The following ATP9A variants were observed in gnomAD, a reference collection of about 807,000 sequenced individuals.
ATP9A encodes ATPase phospholipid transporting 9A, also known as probable phospholipid-transporting ATPase IIA.
ATP9A carries 52 observed loss-of-function variants against 144.1 expected under a neutral mutation model. That is an observed-to-expected ratio of 0.36 (90% CI 0.29 to 0.45). The LOEUF (loss-of-function observed/expected upper bound fraction) is 0.45, where lower values mean the gene tolerates loss of function less well. Among genes scored for constraint, ATP9A ranks in the 20% least tolerant of loss-of-function variants. ATP9A has a pLI of 1.00. For missense variants in ATP9A, 947 were observed against 1,392.7 expected (o/e 0.68, Z 5.09); for synonymous variants, 582 against 557.4 (o/e 1.04, Z -0.62).
intron 3 of ATP9A, among the ~76,000 whole-genome samples, chr20:51,721,451 C>T (rs62226694): frequency 0.057 from 8,636 of 152,090 alleles, 517 homozygotes; most frequent in African/African-American, 0.15. Context: ...GAGATCCTGT[C>T]TCTACACAAA....
chr20:51,665,798 A>G (rs2077430531), intron 13 of ATP9A, among the ~76,000 whole-genome samples: 1 of 151,922 alleles, frequency 6.6e-6, no homozygotes. Flanking sequence ...AGCTGGTTAT[A>G]GTTTTCTCTC....
chr20:51,611,534 TCTAA>T lies in ATP9A; in HGVS notation c.2572-1373_2572-1370del, dbSNP rs151057128. ...TGACAGACTCATGTCCCGGTGCAAT[TCTAA>T]CTGGGACTTGCTCTCGGCCATTTTC... On this transcript the variant is annotated intron_variant, in intron 23 of 27. Coordinates refer to ENST00000338821, the MANE Select transcript of ATP9A (RefSeq NM_006045.3). This position sits in a 1 kb window ranked among gnomAD's most constrained non-coding sequence, Gnocchi z 4.2. Among the ~76,000 whole-genome samples the T allele has an allele frequency of 7.9e-3, 1,202 of 152,326 alleles. 15 individuals carry two copies. The highest frequency in any genetic ancestry group is 0.028 in the African/African-American group (1,144 of 41,570).
chr20:51,690,929 G>T, intron 7 of ATP9A, 110 bp from the exon 8 acceptor site: 2 of 863,352 alleles, frequency 2.3e-6, no homozygotes, highest in East Asian at 2.4e-5. Flanking sequence ...ACAGCAAATG[G>T]CCCCTCAAAA....
intron 11 of ATP9A, 32 bp downstream of exon 11, chr20:51,674,121 G>A (rs760116356): frequency 2.3e-5 from 37 of 1,604,540 alleles, no homozygotes; most frequent in Middle Eastern, 3.3e-4. Flanking sequence ...AAGATGTCAC[G>A]GCAGCCAAAC....
At chr20:51,689,973 G>A (rs545275579) in intron 8 of ATP9A, among the ~76,000 whole-genome samples, 59 of 151,052 alleles carry the variant, frequency 3.9e-4, no homozygotes, top group Non-Finnish European at 6.3e-4. Flanking sequence ...TTAGCCAGGC[G>A]TGGTGATGCA....
intron 3 of ATP9A, among the ~76,000 whole-genome samples, chr20:51,723,324 T>A (rs1216112802): frequency 6.6e-6 from 1 of 151,712 alleles, no homozygotes; most frequent in African/African-American, 2.4e-5. Flanking sequence ...GTGATGAGTG[T>A]GCCAAAATCT....
intron 1 of ATP9A, among the ~76,000 whole-genome samples, chr20:51,741,720 C>T (rs1169101110): frequency 6.6e-6 from 1 of 152,234 alleles, no homozygotes; most frequent in Non-Finnish European, 1.5e-5. Flanking sequence ...TCTACCTACA[C>T]AATTTTGTCT....
At chr20:51,678,158 C>A (rs1281253213) in intron 9 of ATP9A, among the ~76,000 whole-genome samples, 1 of 151,460 alleles carries the variant, frequency 6.6e-6, no homozygotes, top group Non-Finnish European at 1.5e-5. Flanking sequence ...CAGTGGGGGG[C>A]AGGCAGTTTG....
intron 1 of ATP9A, among the ~76,000 whole-genome samples, chr20:51,764,798 C>G (rs1048485836): frequency 6.6e-6 from 1 of 151,924 alleles, no homozygotes; most frequent in African/African-American, 2.4e-5. Flanking sequence ...CCTGACTCAC[C>G]GCAACCTCCA....
At chr20:51,767,440 G>A (rs1340885610) in intron 1 of ATP9A, among the ~76,000 whole-genome samples, 3 of 149,894 alleles carry the variant, frequency 2.0e-5, no homozygotes, top group Non-Finnish European at 4.4e-5. Flanking sequence ...TAAGTCTATG[G>A]CAGGCGATAC....
chr20:51,667,629 C>T (rs1253971754), intron 13 of ATP9A, among the ~76,000 whole-genome samples: 1 of 152,156 alleles, frequency 6.6e-6, no homozygotes, highest in Non-Finnish European at 1.5e-5. Flanking sequence ...CACCACAGAG[C>T]TGATGGTACC....
intron 15 of ATP9A, 80 bp from the exon 16 acceptor site, chr20:51,629,152 C>T (rs2077261224): frequency 1.7e-6 from 2 of 1,201,944 alleles, no homozygotes; most frequent in South Asian, 1.3e-5. Context: ...CCATGACAGA[C>T]AGTGTACAAA....
intron 1 of ATP9A, among the ~76,000 whole-genome samples, chr20:51,735,783 C>A (rs139772711): frequency 1.3e-5 from 2 of 152,366 alleles, no homozygotes; most frequent in Non-Finnish European, 2.9e-5. Flanking sequence ...TCAATAGATA[C>A]TGAACACTTA....
At chr20:51,616,635 A>G (rs1019228300) in intron 22 of ATP9A, among the ~76,000 whole-genome samples, 1 of 152,040 alleles carries the variant, frequency 6.6e-6, no homozygotes, top group Non-Finnish European at 1.5e-5. Context: ...ACACAGTCCT[A>G]ACAAACTCGG....
chr20:51,705,734 C>T (rs1447631981), intron 4 of ATP9A, among the ~76,000 whole-genome samples: 1 of 152,122 alleles, frequency 6.6e-6, no homozygotes, highest in African/African-American at 2.4e-5. Flanking sequence ...ATCGAGGCAA[C>T]CCCCCACCCC....
chr20:51,723,684 G>A (rs1473962142), intron 3 of ATP9A, among the ~76,000 whole-genome samples: 1 of 150,018 alleles, frequency 6.7e-6, no homozygotes, highest in Admixed American at 6.7e-5. Context: ...AGTCTCCTGA[G>A]TAGCTGGGAC....
chr20:51,704,384 GT>G (rs5841859), intron 4 of ATP9A, among the ~76,000 whole-genome samples: 45,705 of 148,190 alleles, frequency 0.31, 7,339 homozygotes, highest in African/African-American at 0.37. Context: ...GTGTTTTGTT[GT>G]TTTTTTTTTT....
chr20:51,768,312 G>C lies in ATP9A; in HGVS notation c.58C>G (p.Pro20Ala). The change falls in exon 1 of 28, where the codon CCC becomes GCC. Residue 20 changes from proline to alanine, a missense_variant. By Grantham distance (27) the Pro-to-Ala change is conservative. Transcript: ENST00000338821. ...CCCAGGCCCACTCACCCGGCGCGGG[G>C]CCTGCTGTCCATCCGCTTCTTCTGG... The part of the protein sequence containing the change: ...VRQKKRMDSR[P>A]RAGCCEWLRC... The C allele has an allele frequency of 7.6e-7, 1 of 1,309,344 alleles. No homozygotes were observed. Among genetic ancestry groups the C allele is most frequent in the African/African-American group, 1.5e-5 (1 of 65,454 alleles). 81.1% of individuals were successfully genotyped at this position (1,309,344 alleles called of 1,614,324 possible).
chr20:51,669,920 G>A, intron 13 of ATP9A, 77 bp downstream of exon 13: 1 of 995,240 alleles, frequency 1.0e-6, no homozygotes, highest in South Asian at 1.3e-5. Context: ...GTACGGTATT[G>A]TGAATTACAT....
Sources: gnomAD v4.1 joint callset for allele counts (sites outside exome capture counted in the v4.1 genomes callset) on GRCh38, gnomAD v4.1.1 for gene constraint, Gnocchi (gnomAD v3.1) non-coding constraint, MANE v1.5 for transcripts, NCBI Gene and HGNC (gene_info 2026-07-23, HGNC 2026-07-21) for gene names.